Variants in DCTN4 observed in about 807,000 individuals in gnomAD.
The protein encoded by DCTN4 is dynactin 4 (p62).
DCTN4 carries 23 observed loss-of-function variants against 62.7 expected under a neutral mutation model. The ratio of observed to expected loss-of-function variants is 0.37; its 90% confidence interval spans 0.26 to 0.52. The LOEUF is 0.52. DCTN4 is among the 20% of genes least tolerant of loss of function. The probability of loss-of-function intolerance (pLI) is 0.92; values close to 1 mark genes in which losing one functional copy is unlikely to be tolerated. For missense variants in DCTN4, 514 were observed against 580.4 expected (o/e 0.89, Z 1.18); for synonymous variants, 199 against 202.1 (o/e 0.98, Z 0.13).
intron 4 of DCTN4, 124 bp from the exon 5 acceptor site, chr5:150,733,599 C>T: frequency 1.7e-6 from 1 of 584,898 alleles, no homozygotes; most frequent in Non-Finnish European, 2.8e-6. Context: ...GCAAGTTTGC[C>T]CTTTTTCTTC....
At chr5:150,731,776 G>T in intron 5 of DCTN4, 1 of 1,039,938 alleles carries the variant, frequency 9.6e-7, no homozygotes, top group Non-Finnish European at 1.5e-6. Flanking sequence ...CTACGGCTCA[G>T]GCAAGAACTA....
At chr5:150,730,926 A>G in intron 7 of DCTN4, 118 bp downstream of exon 7, 1 of 785,750 alleles carries the variant, frequency 1.3e-6, no homozygotes, top group Non-Finnish European at 2.1e-6. Context: ...TATTTTCTAC[A>G]TATTGTTTTT....
In DCTN4 at chr5:150,729,042, C is replaced by CTT. The variant is rs61106544; in HGVS notation, c.834+1587_834+1588dup. Among the ~76,000 whole-genome samples, 358 of 52,106 alleles carry CTT rather than the reference C, an allele frequency of 6.9e-3. 76 individuals carry two copies. The highest frequency in any genetic ancestry group is 0.014 in the Admixed American group (49 of 3,406). 34.2% of individuals were successfully genotyped at this position (52,106 alleles called of 152,430 possible). On this transcript the variant is annotated intron_variant, in intron 8 of 12. Coordinates refer to ENST00000447998, the MANE Select transcript of DCTN4 (RefSeq NM_016221.4). ...ACAAGTGTGTGAACCACCACACTGG[C>CTT]TTTTTTTTTTTTTTTTTTTTTTTTT...
At chr5:150,729,052 T>C (rs1760261512) in intron 8 of DCTN4, among the ~76,000 whole-genome samples, 3 of 122,562 alleles carry the variant, frequency 2.4e-5, no homozygotes, top group South Asian at 2.7e-4. Context: ...CTTTTTTTTT[T>C]TTTTTTTTTT....
At chr5:150,737,928 G>A (rs984042231) in intron 4 of DCTN4, among the ~76,000 whole-genome samples, 3 of 152,080 alleles carry the variant, frequency 2.0e-5, no homozygotes, top group Admixed American at 6.5e-5. Flanking sequence ...AAATGAAATG[G>A]GAGATATTAC....
chr5:150,740,023 G>T (rs561356641), intron 4 of DCTN4, among the ~76,000 whole-genome samples: 1 of 152,158 alleles, frequency 6.6e-6, no homozygotes, highest in Non-Finnish European at 1.5e-5. Context: ...CTTAGGCAAA[G>T]ACTTCATTAC....
At chr5:150,719,591 C>T in intron 10 of DCTN4, 125 bp downstream of exon 10, 2 of 690,524 alleles carry the variant, frequency 2.9e-6, no homozygotes, top group Non-Finnish European at 5.1e-6. Context: ...TTATCCCAAA[C>T]TGTCTTCTTT....
intron 5 of DCTN4, chr5:150,731,750 T>A (rs1561698103): frequency 1.2e-6 from 1 of 810,728 alleles, no homozygotes; most frequent in Non-Finnish European, 2.0e-6. Context: ...CTGCTAGTAA[T>A]CTAAAAGTAT....
At chr5:150,731,786 A>G in intron 5 of DCTN4, 1 of 1,104,754 alleles carries the variant, frequency 9.1e-7, no homozygotes, top group Non-Finnish European at 1.3e-6. Context: ...GGCAAGAACT[A>G]TGTGGAGTGT....
intron 8 of DCTN4, among the ~76,000 whole-genome samples, chr5:150,728,906 C>A (rs1760251715): frequency 6.6e-6 from 1 of 150,764 alleles, no homozygotes; most frequent in African/African-American, 2.4e-5. Context: ...CAGACAGGGT[C>A]TTGCTTCGTC....
intron 4 of DCTN4, among the ~76,000 whole-genome samples, chr5:150,739,668 G>A (rs538025035): frequency 6.6e-6 from 1 of 152,168 alleles, no homozygotes; most frequent in South Asian, 2.1e-4. Context: ...CACATTACTT[G>A]ACTTCAAACT....
intron 8 of DCTN4, among the ~76,000 whole-genome samples, chr5:150,724,004 G>A (rs1157203223): frequency 2.6e-5 from 4 of 152,142 alleles, no homozygotes; most frequent in Non-Finnish European, 4.4e-5. Context: ...AAGTAATGCA[G>A]CGATGAGTGT....
Position 150,757,957 on chromosome 5 carries a change from A to C in DCTN4, c.135+902T>G, listed in dbSNP as rs904096926. The C allele has an allele frequency of 6.8e-6, 4 of 592,478 alleles. No homozygotes were observed. The African/African-American group carries it at 8.2e-5, about 12-fold the overall frequency. 36.7% of individuals were successfully genotyped at this position (592,478 alleles called of 1,614,324 possible). On this transcript the variant is annotated intron_variant, in intron 1 of 12. Transcript: ENST00000447998. ...TGTATCTGTTTCTTTACCTGTAAAAAAAATTTTTTAAAAAAAGTATCCACT... is the reference window on the plus strand; with the variant it reads ...TGTATCTGTTTCTTTACCTGTAAAACAAATTTTTTAAAAAAAGTATCCACT...
chr5:150,757,093 T>G (rs1183896303), intron 1 of DCTN4, among the ~76,000 whole-genome samples: 4 of 152,232 alleles, frequency 2.6e-5, no homozygotes, highest in Non-Finnish European at 4.4e-5. Context: ...GAATAATTAT[T>G]TTCTTTAATG....
chr5:150,745,415 T>C (rs1210050465), intron 3 of DCTN4, among the ~76,000 whole-genome samples: 1 of 151,984 alleles, frequency 6.6e-6, no homozygotes, highest in Non-Finnish European at 1.5e-5. Flanking sequence ...ACCCAGGAAT[T>C]GAACTCAGCT....
Position 150,730,586 on chromosome 5 carries a change from C to A in DCTN4, c.834+45G>T, listed in dbSNP as rs180713374. 3.7e-4 allele frequency: 574 copies of A among 1,551,822 alleles called. 3 individuals carry two copies. In the African/African-American group the frequency reaches 7.2e-3, roughly 19 times the overall value. On this transcript the variant is annotated intron_variant, in intron 8 of 12. Coordinates refer to ENST00000447998, the MANE Select transcript of DCTN4 (RefSeq NM_016221.4). ...CAGACACCAGCCACATTTATTTTTG[C>A]TTTCCTCTTGTACAAATGGTCAGTC...
intron 3 of DCTN4, among the ~76,000 whole-genome samples, chr5:150,744,612 C>T (rs1198800864): frequency 6.6e-6 from 1 of 151,868 alleles, no homozygotes. Flanking sequence ...CTCTACAAGC[C>T]AGAAGAGAGT....
In DCTN4 at chr5:150,718,269, C is replaced by T. The variant is rs1374090387; in HGVS notation, c.1071+7G>A. ...GGGTCAGTCAGGCTGAGGCAAAATG[C>T]TCCTACCTTAGCAGTGCTGTTGATA... is the stretch of plus-strand genomic sequence containing the variant. On this transcript the variant is annotated splice_region_variant and intron_variant, in intron 11 of 12. Coordinates refer to ENST00000447998, the MANE Select transcript of DCTN4 (RefSeq NM_016221.4). 3.1e-6 allele frequency: 5 copies of T among 1,605,368 alleles called. No homozygotes were observed. Among genetic ancestry groups the T allele is most frequent in the South Asian group, 2.2e-5 (2 of 90,630 alleles).
Position 150,710,346 on chromosome 5 carries a change from A to T in DCTN4, c.*803T>A. The T allele has an allele frequency of 6.6e-6, 1 of 152,326 alleles. No homozygotes were observed. The highest frequency in any genetic ancestry group is 2.4e-5 in the African/African-American group (1 of 41,434). 9.4% of individuals were successfully genotyped at this position (152,326 alleles called of 1,614,324 possible). ...GGGGTAGGAAGTAAGACAAATAAAG[A>T]TTGCCCCCCTGTGGCAGCATTAATC... On this transcript the variant is annotated 3_prime_UTR_variant, in exon 13 of 13. Transcript: ENST00000447998.
Sources: gnomAD v4.1 joint callset for allele counts (sites outside exome capture counted in the v4.1 genomes callset) on GRCh38, gnomAD v4.1.1 for gene constraint, MANE v1.5 for transcripts, NCBI Gene and HGNC (gene_info 2026-07-23, HGNC 2026-07-21) for gene names.